Variants in CFAP99 observed in about 807,000 individuals in gnomAD.
CFAP99 encodes cilia- and flagella-associated protein 99.
CFAP99 carries 84 observed loss-of-function variants against 82.7 expected under a neutral mutation model. The observed-to-expected ratio is 1.02, with a 90% CI of 0.85 to 1.22. The LOEUF is 1.22. CFAP99 is among the 50% of genes most tolerant of loss of function. The pLI is 0.00. For synonymous variants in CFAP99, 456 were observed against 429.5 expected (o/e 1.06, Z -0.76); for missense variants, 1,059 against 983.5 (o/e 1.08, Z -1.03).
At chr4:2,441,306 G>C (rs983735124) in intron 4 of CFAP99, among the ~76,000 whole-genome samples, 2 of 150,416 alleles carry the variant, frequency 1.3e-5, no homozygotes, top group African/African-American at 2.4e-5. Context: ...CTGGGAGGCG[G>C]AGGTTGCAGT....
chr4:2,437,751 C>T (rs908118000), intron 3 of CFAP99, among the ~76,000 whole-genome samples: 3 of 152,184 alleles, frequency 2.0e-5, no homozygotes, highest in Non-Finnish European at 2.9e-5. Context: ...ACATTCTAGC[C>T]GGCTTGAGGT....
chr4:2,423,421 G>T (rs1733622648), intron 1 of CFAP99, among the ~76,000 whole-genome samples: 1 of 152,242 alleles, frequency 6.6e-6, no homozygotes, highest in Admixed American at 6.5e-5. Flanking sequence ...GGCAGGCTCA[G>T]GGGAGGGTGC....
At position 2,462,511 on chromosome 4, in the gene CFAP99, T is replaced by G. The variant is rs1734645528; in HGVS notation, c.1730T>G (p.Leu577Arg). Residue 577 changes from leucine to arginine, a missense_variant, in exon 15 of 15, where the codon CTG becomes CGG. Physicochemically the swap from Leu to Arg is moderately radical, Grantham distance 102 (BLOSUM62 -2). Transcript: ENST00000635017. This position sits in a 1 kb window ranked among gnomAD's most constrained non-coding sequence, Gnocchi z 4.1. ...TCGCAGGACGAGCGCGTGCAGCAGC[T>G]GCGGCGCAGGATCTCGGAGAGGGCG... is the stretch of plus-strand genomic sequence containing the variant. 6.8e-7 allele frequency: 1 copy of G among 1,477,942 alleles called. No homozygotes were observed. 91.6% of individuals were successfully genotyped at this position (1,477,942 alleles called of 1,614,324 possible).
chr4:2,450,033 C>T (rs1734266514), intron 8 of CFAP99, 28 bp downstream of exon 8: 1 of 1,531,782 alleles, frequency 6.5e-7, no homozygotes, highest in African/African-American at 1.4e-5. Flanking sequence ...CAAGACCCAT[C>T]ATCGAGGTGC....
chr4:2,459,158 C>T (rs775032309), exon 13 of CFAP99: 3 of 1,535,268 alleles, frequency 2.0e-6, no homozygotes, highest in Admixed American at 2.0e-5. Flanking sequence ...AGGGCGCAGG[C>T]AGCCCAGGAG....
chr4:2,460,347 C>A, intron 14 of CFAP99, 105 bp downstream of exon 14: 1 of 1,019,120 alleles, frequency 9.8e-7, no homozygotes, highest in Non-Finnish European at 1.5e-6. Context: ...CCACCACCCT[C>A]CTGCCCAGGA....
At chr4:2,421,480 A>C (rs776917260) in intron 1 of CFAP99, among the ~76,000 whole-genome samples, 1 of 149,056 alleles carries the variant, frequency 6.7e-6, no homozygotes, top group Non-Finnish European at 1.5e-5. Context: ...CAGCCTCCCA[A>C]GTAGCTGGTA....
At position 2,445,311 on chromosome 4, in the gene CFAP99, G is replaced by T. The variant is rs545975262; in HGVS notation, c.642+3G>T. The T allele has an allele frequency of 1.2e-5, 16 of 1,339,822 alleles. No homozygotes were observed. Among genetic ancestry groups the T allele is most frequent in the Admixed American group, 3.5e-5 (1 of 28,632 alleles). 83.0% of individuals were successfully genotyped at this position (1,339,822 alleles called of 1,614,324 possible). A position where few individuals can be genotyped will look rare whatever the true frequency, so the allele number is the denominator to read the frequency against. On this transcript the variant is annotated splice_donor_region_variant and intron_variant, in intron 6 of 14. Transcript: ENST00000635017. ...CGGTCGTGGCCAAGCCGAGACCCGTGAGTGTGGGCATTCTCAGCAGGCACT... is the reference window on the plus strand; with the variant it reads ...CGGTCGTGGCCAAGCCGAGACCCGTTAGTGTGGGCATTCTCAGCAGGCACT...
At chr4:2,445,181 C>A in exon 6 of CFAP99, 1 of 1,424,266 alleles carries the variant, frequency 7.0e-7, no homozygotes, top group Admixed American at 2.9e-5. Context: ...GGCGTGTCTG[C>A]CAGTCAATCC....
At chr4:2,424,046 C>T (rs1289874945) in intron 1 of CFAP99, among the ~76,000 whole-genome samples, 1 of 152,248 alleles carries the variant, frequency 6.6e-6, no homozygotes, top group Non-Finnish European at 1.5e-5. Context: ...TTCCAAGCGG[C>T]CTTTCTTCTG....
intron 2 of CFAP99, chr4:2,427,775 A>G (rs1578463732): frequency 6.6e-6 from 1 of 152,142 alleles, no homozygotes; most frequent in Non-Finnish European, 1.5e-5. Context: ...TTCATTAGCT[A>G]CCTCTGGGGC....
At chr4:2,453,593 A>G (rs1320597543) in intron 11 of CFAP99, among the ~76,000 whole-genome samples, 1 of 152,200 alleles carries the variant, frequency 6.6e-6, no homozygotes, top group East Asian at 1.9e-4. Flanking sequence ...ATCTTGGTAT[A>G]GTTCTGATTT....
chr4:2,440,759 A>AT (rs1002163994), intron 4 of CFAP99, among the ~76,000 whole-genome samples: 2 of 150,144 alleles, frequency 1.3e-5, no homozygotes, highest in African/African-American at 4.9e-5. Flanking sequence ...CACCTGGCTA[A>AT]TTTTTTTTGT....
intron 1 of CFAP99, among the ~76,000 whole-genome samples, chr4:2,421,223 G>A (rs1165303154): frequency 6.6e-6 from 1 of 152,132 alleles, no homozygotes; most frequent in Non-Finnish European, 1.5e-5. Flanking sequence ...TTAGGTAAAT[G>A]AGTTATCTCC....
intron 4 of CFAP99, among the ~76,000 whole-genome samples, chr4:2,440,229 C>T (rs1734003982): frequency 7.2e-6 from 1 of 139,184 alleles, no homozygotes; most frequent in East Asian, 2.2e-4. Flanking sequence ...TCACTGCAAG[C>T]TCCGCCTCCC....
intron 2 of CFAP99, among the ~76,000 whole-genome samples, chr4:2,433,027 G>C (rs1733830071): frequency 6.6e-6 from 1 of 151,630 alleles, no homozygotes; most frequent in Non-Finnish European, 1.5e-5. Context: ...GACACCACGT[G>C]TCCTGGCAGC....
intron 4 of CFAP99, among the ~76,000 whole-genome samples, chr4:2,440,438 GC>G (rs1308337607): frequency 1.3e-5 from 2 of 150,228 alleles, no homozygotes; most frequent in African/African-American, 4.9e-5. Flanking sequence ...GAGCCACCGC[GC>G]CCGGCCGACA....
chr4:2,450,187 A>C (rs1001761914), intron 8 of CFAP99, 182 bp downstream of exon 8: 1 of 652,748 alleles, frequency 1.5e-6, no homozygotes, highest in South Asian at 1.8e-5. Context: ...TGTGGCCCCT[A>C]AGCAGGCGGG....
intron 11 of CFAP99, among the ~76,000 whole-genome samples, chr4:2,453,247 A>C (rs1391632926): frequency 6.6e-6 from 1 of 152,072 alleles, no homozygotes; most frequent in Non-Finnish European, 1.5e-5. Flanking sequence ...GTATATACAT[A>C]GTTTGTCCTT....
Sources: gnomAD v4.1 joint callset for allele counts (sites outside exome capture counted in the v4.1 genomes callset) on GRCh38, gnomAD v4.1.1 for gene constraint, Gnocchi (gnomAD v3.1) non-coding constraint, MANE v1.5 for transcripts, NCBI Gene and HGNC (gene_info 2026-07-23, HGNC 2026-07-21) for gene names.